The following PCDH15 variants were observed in gnomAD, a reference collection of about 807,000 sequenced individuals.
The protein encoded by PCDH15 is protocadherin related 15, also known as protocadherin-15.
A neutral mutation model predicts 178.5 loss-of-function variants in PCDH15; 129 were observed. That is an observed-to-expected ratio of 0.72 (90% CI 0.63 to 0.84). The LOEUF is 0.84. Among genes scored for constraint, PCDH15 ranks in the 40% least tolerant of loss-of-function variants. The pLI is 0.00. For missense variants in PCDH15, 2,230 were observed against 2,099.9 expected, an observed-to-expected ratio of 1.06 and a Z score of -1.21; for synonymous variants, 800 against 732.0, an observed-to-expected ratio of 1.09 and a Z score of -1.50.
At chr10:54,413,810 G>A (rs1330117527) in intron 3 of PCDH15, among the ~76,000 whole-genome samples, 2 of 152,120 alleles carry the variant, frequency 1.3e-5, no homozygotes, top group Non-Finnish European at 2.9e-5. Context: ...CTGTTTCTGA[G>A]TTATTTCACA....
intron 18 of PCDH15, among the ~76,000 whole-genome samples, chr10:54,030,322 A>G (rs2093256394): frequency 6.6e-6 from 1 of 151,270 alleles, no homozygotes; most frequent in Non-Finnish European, 1.5e-5. Flanking sequence ...GTGAAAATAC[A>G]TTTTTAAAAT....
At chr10:54,495,238 A>G (rs985163949) in intron 3 of PCDH15, among the ~76,000 whole-genome samples, 3 of 152,154 alleles carry the variant, frequency 2.0e-5, no homozygotes, top group Non-Finnish European at 2.9e-5. Flanking sequence ...TTAATAACTC[A>G]TCTGCAAAAG....
chr10:54,351,798 C>T (rs1259022077), intron 5 of PCDH15, among the ~76,000 whole-genome samples: 1 of 152,184 alleles, frequency 6.6e-6, no homozygotes, highest in African/African-American at 2.4e-5. Flanking sequence ...GTAGATTTCA[C>T]TGTGAAGTCT....
At chr10:55,497,818 T>TA (rs1840568912) in intron 2 of PCDH15, among the ~76,000 whole-genome samples, 6 of 151,858 alleles carry the variant, frequency 4.0e-5, no homozygotes, top group Admixed American at 3.9e-4. Context: ...TCACATCACA[T>TA]ATCTGGCAAG....
At chr10:53,896,293 C>A (rs2081945117) in intron 26 of PCDH15, among the ~76,000 whole-genome samples, 1 of 152,146 alleles carries the variant, frequency 6.6e-6, no homozygotes. Context: ...AAAGGCCTAG[C>A]TTCAACTTTC....
At position 54,083,379 on chromosome 10, in the gene PCDH15, C is replaced by T. The variant is rs144999604; in HGVS notation, c.1998-3955G>A. 1.9e-3 allele frequency among the ~76,000 whole-genome samples: 284 copies of T among 152,234 alleles called. 1 individual carries two copies. Among genetic ancestry groups the T allele is most frequent in the African/African-American group, 6.3e-3 (263 of 41,544 alleles). ...CCGAAAGGTAGAAAAACAGCTTAAA[C>T]GTCTATCAATTTATGAATAGGTAAA... On this transcript the variant is annotated intron_variant, in intron 16 of 37. Coordinates refer to ENST00000644397, the MANE Select transcript of PCDH15 (RefSeq NM_001384140.1).
chr10:54,379,191 G>A (rs930865180), intron 3 of PCDH15, among the ~76,000 whole-genome samples: 1 of 152,036 alleles, frequency 6.6e-6, no homozygotes, highest in East Asian at 1.9e-4. Context: ...TCCATTTTGT[G>A]TTTCCCTCTA....
chr10:54,576,345 A>G (rs1291920879), intron 2 of PCDH15, among the ~76,000 whole-genome samples: 16 of 152,198 alleles, frequency 1.1e-4, no homozygotes, highest in Admixed American at 1.0e-3. Flanking sequence ...ACTTGGAGAA[A>G]TAAATATTAA....
chr10:54,621,074 T>C (rs1224335876), intron 2 of PCDH15, among the ~76,000 whole-genome samples: 1 of 152,006 alleles, frequency 6.6e-6, no homozygotes, highest in Non-Finnish European at 1.5e-5. Flanking sequence ...AAATTATTTT[T>C]CATTTAAAAT....
In PCDH15 at chr10:55,600,031, A is replaced by G. The variant is rs1843037431; in HGVS notation, c.-156+27594T>C. 3.4e-6 allele frequency: 4 copies of G among 1,187,310 alleles called. No individual in the cohort carries two copies. The East Asian group carries it at 1.1e-4, about 34-fold the overall frequency. The allele number at this position is 1,187,310 out of a possible 1,614,324, so 73.5% of individuals were successfully genotyped here. A position where few individuals can be genotyped will look rare whatever the true frequency, so the allele number is the denominator to read the frequency against. ...TTCATTAATGCAAATAGATTCAAAC[A>G]AGCCAACAGGCCCCAATGTATCATC... On this transcript the variant is annotated intron_variant, in intron 2 of 5. Transcript: ENST00000613346.
At chr10:55,555,116 T>G (rs539553431) in intron 2 of PCDH15, among the ~76,000 whole-genome samples, 1 of 152,236 alleles carries the variant, frequency 6.6e-6, no homozygotes, top group East Asian at 1.9e-4. Context: ...TAAAACAATC[T>G]TTGGGATCAT....
chr10:54,803,639 T>C (rs527287130), upstream of PCDH15, among the ~76,000 whole-genome samples: 1 of 152,208 alleles, frequency 6.6e-6, no homozygotes, highest in Admixed American at 6.5e-5. Context: ...ACACTGCTCA[T>C]ACAGAGTGGT....
intron 2 of PCDH15, among the ~76,000 whole-genome samples, chr10:54,912,875 G>A (rs1375589055): frequency 6.6e-6 from 1 of 152,162 alleles, no homozygotes; most frequent in African/African-American, 2.4e-5. Flanking sequence ...ATGTAAATGA[G>A]GAACTTACTG....
intron 2 of PCDH15, among the ~76,000 whole-genome samples, chr10:55,062,642 A>G (rs1337318573): frequency 6.6e-6 from 1 of 152,204 alleles, no homozygotes; most frequent in East Asian, 1.9e-4. Context: ...ACTATTCTGT[A>G]TGATGCTATA....
intron 2 of PCDH15, among the ~76,000 whole-genome samples, chr10:55,538,590 CT>C (rs1841659236): frequency 2.1e-5 from 2 of 97,090 alleles, no homozygotes; most frequent in East Asian, 5.0e-4. Flanking sequence ...TCCTTCCTTC[CT>C]TCCTTCCTTC....
Position 55,303,879 on chromosome 10 carries a change from T to G in PCDH15, c.-156+15720A>C, listed in dbSNP as rs181768604. 1.8e-4 allele frequency among the ~76,000 whole-genome samples: 28 copies of G among 152,258 alleles called. 1 individual carries two copies. In the East Asian group the frequency reaches 5.2e-3, roughly 28 times the overall value. ...GTTGCCTCTATAGATTTTCCTTTGT[T>G]CTCAATTTTATTTATTCTGATCATA... is the stretch of plus-strand genomic sequence containing the variant. On this transcript the variant is annotated intron_variant, in intron 1 of 5. Transcript: ENST00000458638.
At chr10:55,571,957 C>T (rs1401675794) in intron 2 of PCDH15, among the ~76,000 whole-genome samples, 4 of 152,108 alleles carry the variant, frequency 2.6e-5, no homozygotes, top group Middle Eastern at 3.4e-3. Context: ...TTATATGCCA[C>T]GTGTCTTGCT....
intron 2 of PCDH15, among the ~76,000 whole-genome samples, chr10:54,648,980 T>C (rs868221357): frequency 1.9e-4 from 29 of 152,258 alleles, no homozygotes; most frequent in African/African-American, 6.7e-4. Context: ...AGTATTCCAA[T>C]TGTTCAATGA....
chr10:54,854,849 C>T (rs778534774), intron 3 of PCDH15, among the ~76,000 whole-genome samples: 1 of 152,164 alleles, frequency 6.6e-6, no homozygotes, highest in African/African-American at 2.4e-5. Context: ...AGCCTTCAGG[C>T]ACTCCCTGGC....
Sources: allele counts gnomAD v4.1 joint callset (sites outside exome capture counted in the v4.1 genomes callset), GRCh38; gene constraint gnomAD v4.1.1; transcripts MANE v1.5; gene names NCBI Gene and HGNC (gene_info 2026-07-23, HGNC 2026-07-21).